Variants in ARAP2 observed in about 807,000 individuals in gnomAD.
ARAP2 encodes the protein arf-GAP with Rho-GAP domain, ANK repeat and PH domain-containing protein 2.
Under a neutral mutation model 194.5 loss-of-function variants are expected in ARAP2, and 148 were observed. That is an observed-to-expected ratio of 0.76 (90% CI 0.67 to 0.87). The LOEUF is 0.87. Among genes scored for constraint, ARAP2 ranks in the 40% least tolerant of loss-of-function variants. The pLI, the probability that ARAP2 is intolerant of heterozygous loss-of-function variation, is 0.00. For synonymous variants in ARAP2, 695 were observed against 683.5 expected (o/e 1.02, Z -0.26); for missense variants, 2,128 against 1,989.7 (o/e 1.07, Z -1.32).
chr4:36,064,304 G>A (rs566959528), downstream of ARAP2, among the ~76,000 whole-genome samples: 3 of 151,906 alleles, frequency 2.0e-5, no homozygotes, highest in Admixed American at 2.0e-4. Flanking sequence ...CTCCTTAGAG[G>A]TGGAAATAAG....
At chr4:36,201,467 G>C (rs1217883205) in intron 6 of ARAP2, among the ~76,000 whole-genome samples, 1 of 152,136 alleles carries the variant, frequency 6.6e-6, no homozygotes, top group Non-Finnish European at 1.5e-5. Flanking sequence ...ACATTAGCCT[G>C]AGTTTTATCT....
chr4:36,194,517 G>C (rs1742661457), intron 6 of ARAP2, among the ~76,000 whole-genome samples: 2 of 152,056 alleles, frequency 1.3e-5, no homozygotes, highest in Admixed American at 1.3e-4. Flanking sequence ...TTGTGCTTTT[G>C]CAATTTTCTG....
intron 6 of ARAP2, among the ~76,000 whole-genome samples, chr4:36,203,709 A>C (rs191624473): frequency 7.4e-4 from 113 of 152,210 alleles, no homozygotes; most frequent in African/African-American, 2.6e-3. Flanking sequence ...ATTACTAAAA[A>C]ACCTACCATG....
intron 3 of ARAP2, chr4:36,047,168 G>A (rs545478226): frequency 1.2e-4 from 19 of 152,376 alleles, no homozygotes; most frequent in Non-Finnish European, 4.4e-5. Flanking sequence ...CTGCCCACCA[G>A]ATTAGCAGGT....
chr4:36,021,180 A>C (rs1383568617), intron 5 of ARAP2, among the ~76,000 whole-genome samples: 2 of 152,236 alleles, frequency 1.3e-5, no homozygotes, highest in Non-Finnish European at 2.9e-5. Context: ...ATCCAGGTGC[A>C]TATGAGTTGC....
At chr4:36,173,419 AT>A (rs1365274702) in intron 9 of ARAP2, among the ~76,000 whole-genome samples, 1 of 152,184 alleles carries the variant, frequency 6.6e-6, no homozygotes, top group Non-Finnish European at 1.5e-5. Flanking sequence ...TTACAAAATA[AT>A]TTTTGTTCCA....
At chr4:36,225,655 T>A (rs1469722915) in intron 2 of ARAP2, among the ~76,000 whole-genome samples, 4 of 151,968 alleles carry the variant, frequency 2.6e-5, no homozygotes, top group Admixed American at 6.6e-5. Flanking sequence ...TAATAGAGCA[T>A]CAGTTCTATC....
chr4:36,007,880 G>A (rs1426696962), intron 9 of ARAP2, among the ~76,000 whole-genome samples: 2 of 152,042 alleles, frequency 1.3e-5, no homozygotes, highest in Non-Finnish European at 2.9e-5. Flanking sequence ...AAAATCAGTA[G>A]CAGTTCTATA....
intron 27 of ARAP2, 101 bp from the exon 28 acceptor site, chr4:36,092,121 T>A: frequency 7.6e-7 from 1 of 1,321,096 alleles, no homozygotes; most frequent in Non-Finnish European, 1.0e-6. Flanking sequence ...AAATAAGAAC[T>A]TGTTTACTAC....
At chr4:36,159,581 T>A in intron 13 of ARAP2, 76 bp from the exon 14 acceptor site, 1 of 1,227,918 alleles carries the variant, frequency 8.1e-7, no homozygotes, top group Non-Finnish European at 1.1e-6. Context: ...GAAAGTCTGA[T>A]AATTTCATGT....
chr4:36,134,928 T>A (rs530412892), intron 19 of ARAP2, among the ~76,000 whole-genome samples: 1 of 151,766 alleles, frequency 6.6e-6, no homozygotes, highest in African/African-American at 2.4e-5. Context: ...GGCTTTGTCC[T>A]GCATCATATC....
intron 32 of ARAP2, among the ~76,000 whole-genome samples, chr4:36,072,022 GGTTA>G (rs1158384507): frequency 5.3e-5 from 8 of 151,836 alleles, no homozygotes; most frequent in East Asian, 3.9e-4. Context: ...GGTCAAAAAT[GGTTA>G]GTTATTTTGT....
intron 20 of ARAP2, among the ~76,000 whole-genome samples, chr4:36,130,459 T>G (rs752407526): frequency 3.3e-5 from 5 of 151,826 alleles, no homozygotes; most frequent in Admixed American, 6.6e-5. Flanking sequence ...GCACACACTG[T>G]TTCTCCTCCT....
At chr4:36,047,488 A>G (rs1048646740) in intron 3 of ARAP2, among the ~76,000 whole-genome samples, 4 of 152,352 alleles carry the variant, frequency 2.6e-5, no homozygotes, top group African/African-American at 9.6e-5. Context: ...CTGTTATGTA[A>G]AAATTTTAGA....
At chr4:36,083,790 A>G (rs7670868) in intron 28 of ARAP2, among the ~76,000 whole-genome samples, 72,673 of 151,888 alleles carry the variant, frequency 0.48, 17,860 homozygotes, top group East Asian at 0.64. Flanking sequence ...AACTTGATTA[A>G]ATTGAAGGAT....
intron 17 of ARAP2, 51 bp from the exon 18 acceptor site, chr4:36,147,797 C>A (rs1469040186): frequency 7.2e-7 from 1 of 1,398,352 alleles, no homozygotes; most frequent in African/African-American, 1.4e-5. Flanking sequence ...ATAGGAAATC[C>A]CTTCCCTATC....
intron 1 of ARAP2, among the ~76,000 whole-genome samples, chr4:36,240,641 T>C (rs914901915): frequency 6.6e-6 from 1 of 152,194 alleles, no homozygotes; most frequent in African/African-American, 2.4e-5. Context: ...TGCATTAAAA[T>C]CTTAGAACAG....
intron 2 of ARAP2, among the ~76,000 whole-genome samples, chr4:36,216,114 G>C (rs1173880931): frequency 6.6e-6 from 1 of 151,570 alleles, no homozygotes; most frequent in Non-Finnish European, 1.5e-5. Flanking sequence ...AAATTAGCTG[G>C]GTGTGGTGGT....
At chr4:36,158,898 C>A (rs1436958232) in intron 14 of ARAP2, 34 bp from the exon 15 acceptor site, 1 of 1,554,250 alleles carries the variant, frequency 6.4e-7, no homozygotes, top group Non-Finnish European at 8.7e-7. Context: ...CACAAGAAAT[C>A]TAAAATGTAA....
Sources: gnomAD v4.1 joint callset for allele counts (sites outside exome capture counted in the v4.1 genomes callset) on GRCh38, gnomAD v4.1.1 for gene constraint, MANE v1.5 for transcripts, NCBI Gene and HGNC (gene_info 2026-07-23, HGNC 2026-07-21) for gene names.